The following CNBD1 variants were observed in gnomAD, a reference collection of about 807,000 sequenced individuals.
CNBD1 encodes cyclic nucleotide-binding domain-containing protein 1.
A neutral mutation model predicts 54.4 loss-of-function variants in CNBD1; 71 were observed. That is an observed-to-expected ratio of 1.30 (90% CI 1.08 to 1.59). The LOEUF (loss-of-function observed/expected upper bound fraction) is 1.59. Ranked by LOEUF, CNBD1 falls within the 40% of genes most tolerant of loss-of-function variation. CNBD1 has a pLI of 0.00. For synonymous variants in CNBD1, 182 were observed against 170.7 expected, an observed-to-expected ratio of 1.07 and a Z score of -0.51; for missense variants, 659 against 518.0, an observed-to-expected ratio of 1.27 and a Z score of -2.64.
At position 87,158,014 on chromosome 8, in the gene CNBD1, T is replaced by G. The variant is rs377060862; in HGVS notation, c.432-47979T>G. On this transcript the variant is annotated intron_variant, in intron 4 of 10. Transcript: ENST00000518476. ...ATGAGCAAGTTACTATACTACTGAT[T>G]CTTTTTTTAATGTCTAAAATTGAGT... Among the ~76,000 whole-genome samples the G allele has an allele frequency of 4.9e-4, 74 of 152,238 alleles. 2 individuals are homozygous for G. The South Asian group carries it at 0.015, about 30-fold the overall frequency.
At chr8:87,425,978 G>C (rs949054562) in intron 2 of CNBD1, among the ~76,000 whole-genome samples, 1 of 152,326 alleles carries the variant, frequency 6.6e-6, no homozygotes, top group East Asian at 1.9e-4. Context: ...GAGACTCAGT[G>C]GGGCAGGACC....
intron 10 of CNBD1, among the ~76,000 whole-genome samples, chr8:87,368,148 C>T (rs116990669): frequency 0.074 from 9,960 of 135,098 alleles, 487 homozygotes; most frequent in Non-Finnish European, 0.12. Flanking sequence ...GGTGACAGAG[C>T]GAGATTCCAT....
At chr8:86,938,523 A>T (rs1452467438) in intron 3 of CNBD1, among the ~76,000 whole-genome samples, 1 of 152,242 alleles carries the variant, frequency 6.6e-6, no homozygotes, top group Non-Finnish European at 1.5e-5. Context: ...AATCATGTTC[A>T]AAGGCAAATG....
intron 8 of CNBD1, among the ~76,000 whole-genome samples, chr8:87,341,375 G>A (rs1029326722): frequency 6.6e-6 from 1 of 152,224 alleles, no homozygotes; most frequent in African/African-American, 2.4e-5. Context: ...AACATTGAAT[G>A]TATGTTTCAG....
chr8:87,042,496 T>C (rs1251694173), intron 4 of CNBD1, among the ~76,000 whole-genome samples: 1 of 152,168 alleles, frequency 6.6e-6, no homozygotes, highest in Non-Finnish European at 1.5e-5. Context: ...GGGTTGATAA[T>C]TATATTTGGA....
chr8:86,966,228 A>G (rs1166611000), intron 4 of CNBD1, among the ~76,000 whole-genome samples: 1 of 152,122 alleles, frequency 6.6e-6, no homozygotes, highest in Non-Finnish European at 1.5e-5. Flanking sequence ...CCAGGAATCA[A>G]TCTGCCTCCA....
At chr8:86,915,303 T>C (rs1260479183) in intron 3 of CNBD1, among the ~76,000 whole-genome samples, 1 of 152,134 alleles carries the variant, frequency 6.6e-6, no homozygotes, top group Admixed American at 6.6e-5. Flanking sequence ...AGGCCAATTT[T>C]AGATTCTACA....
At chr8:87,140,903 T>C (rs1431761) in intron 4 of CNBD1, among the ~76,000 whole-genome samples, 84,318 of 151,986 alleles carry the variant, frequency 0.55, 24,905 homozygotes, top group African/African-American at 0.77. Flanking sequence ...CCCTTGTCTT[T>C]CCATCATTAA....
intron 10 of CNBD1, among the ~76,000 whole-genome samples, chr8:87,355,647 G>T (rs1332491651): frequency 2.0e-5 from 3 of 152,108 alleles, no homozygotes; most frequent in Non-Finnish European, 2.9e-5. Context: ...GGGAGTAAAG[G>T]ATGAAAGCAA....
intron 4 of CNBD1, among the ~76,000 whole-genome samples, chr8:86,960,058 C>T (rs983523473): frequency 9.2e-5 from 14 of 152,148 alleles, no homozygotes. Context: ...CAGTCTACAG[C>T]TCCCAGTGTA....
chr8:87,102,581 CA>C, intron 4 of CNBD1, among the ~76,000 whole-genome samples: 1 of 152,122 alleles, frequency 6.6e-6, no homozygotes, highest in South Asian at 2.1e-4. Context: ...ATTTGAAAGA[CA>C]TTTGGAATGT....
chr8:86,894,870 A>G (rs934978320), intron 2 of CNBD1, among the ~76,000 whole-genome samples: 1 of 152,216 alleles, frequency 6.6e-6, no homozygotes, highest in Admixed American at 6.5e-5. Flanking sequence ...ATAATTTATA[A>G]AGAAAATAAA....
chr8:87,039,256 C>T (rs1810012544), intron 4 of CNBD1, among the ~76,000 whole-genome samples: 1 of 152,076 alleles, frequency 6.6e-6, no homozygotes, highest in African/African-American at 2.4e-5. Context: ...CTTTAATATT[C>T]TATGGTTTTT....
intron 4 of CNBD1, among the ~76,000 whole-genome samples, chr8:87,170,944 A>G (rs1484544706): frequency 2.0e-5 from 3 of 152,090 alleles, no homozygotes; most frequent in Non-Finnish European, 4.4e-5. Flanking sequence ...TTGCACCAAT[A>G]TTCATCGGAG....
intron 5 of CNBD1, among the ~76,000 whole-genome samples, chr8:87,229,239 C>T (rs1029817382): frequency 2.6e-5 from 4 of 152,140 alleles, no homozygotes; most frequent in Admixed American, 6.5e-5. Flanking sequence ...AGCTGTAGAC[C>T]GCAGCTGTTC....
At chr8:86,977,200 A>T (rs1808362626) in intron 4 of CNBD1, among the ~76,000 whole-genome samples, 1 of 151,992 alleles carries the variant, frequency 6.6e-6, no homozygotes, top group African/African-American at 2.4e-5. Context: ...ACATTTCTTT[A>T]AAAATTCCAA....
chr8:87,106,775 C>T (rs1811546449), intron 4 of CNBD1, among the ~76,000 whole-genome samples: 2 of 152,110 alleles, frequency 1.3e-5, no homozygotes, highest in Non-Finnish European at 2.9e-5. Context: ...TAAACACATA[C>T]TTTTAATGTA....
chr8:87,353,842 AT>A, intron 10 of CNBD1, 56 bp downstream of exon 10: 2 of 1,340,200 alleles, frequency 1.5e-6, no homozygotes, highest in Non-Finnish European at 2.0e-6. Context: ...GAGTTCTTAA[AT>A]TTTTTAAATT....
chr8:86,962,315 G>T (rs1459440203), intron 4 of CNBD1, among the ~76,000 whole-genome samples: 1 of 152,134 alleles, frequency 6.6e-6, no homozygotes, highest in African/African-American at 2.4e-5. Context: ...CTATAGCTTT[G>T]ATAACCATGG....
Sources: gnomAD v4.1 joint callset for allele counts (sites outside exome capture counted in the v4.1 genomes callset) on GRCh38, gnomAD v4.1.1 for gene constraint, MANE v1.5 for transcripts, NCBI Gene and HGNC (gene_info 2026-07-23, HGNC 2026-07-21) for gene names.